The following ZC4H2 variants were observed in gnomAD, a reference collection of about 807,000 sequenced individuals.
The protein encoded by ZC4H2 is zinc finger C4H2 domain-containing protein.
For missense variants in ZC4H2, 137 were observed against 173.9 expected (o/e 0.79, Z 1.19); for synonymous variants, 84 against 66.3 (o/e 1.27, Z -1.30).
chrX:64,941,668 T>C (rs1281336123), intron 1 of ZC4H2, among the ~76,000 whole-genome samples: 1 of 112,564 alleles, frequency 8.9e-6, no homozygotes, highest in Non-Finnish European at 1.9e-5. Flanking sequence ...TTTTTGTCAT[T>C]GTTTCTGTTT....
intron 1 of ZC4H2, 112 bp downstream of exon 1, chrX:64,976,213 G>A: frequency 2.3e-6 from 2 of 886,935 alleles, no homozygotes; most frequent in Non-Finnish European, 3.3e-6. Context: ...AGTCTGTGGT[G>A]AATGGGCCCC....
chrX:64,918,897 T>C (rs1190315991), intron 4 of ZC4H2, 145 bp downstream of exon 4: 3 of 714,083 alleles, frequency 4.2e-6, no homozygotes, highest in Non-Finnish European at 5.9e-6. Flanking sequence ...AGCACACCCA[T>C]GTCACCCCTT....
At chrX:64,952,591 C>T (rs1312888188) in intron 1 of ZC4H2, among the ~76,000 whole-genome samples, 1 of 110,956 alleles carries the variant, frequency 9.0e-6, no homozygotes, top group African/African-American at 3.3e-5. Context: ...GAATAAAATA[C>T]CTAGGAATCC....
intron 1 of ZC4H2, among the ~76,000 whole-genome samples, chrX:64,926,934 T>A (rs1010120920): frequency 6.3e-5 from 7 of 111,697 alleles, no homozygotes; most frequent in South Asian, 3.8e-4. Flanking sequence ...ATCCCCTATA[T>A]ACACTGAGGG....
chrX:64,959,610 T>C (rs989756613), intron 1 of ZC4H2, among the ~76,000 whole-genome samples: 2 of 109,094 alleles, frequency 1.8e-5, no homozygotes, highest in African/African-American at 6.7e-5. Context: ...TCTATTTTGA[T>C]GGAGAATCAT....
intron 1 of ZC4H2, among the ~76,000 whole-genome samples, chrX:65,013,198 T>G (rs1330273685): frequency 8.9e-6 from 1 of 112,071 alleles, no homozygotes; most frequent in Non-Finnish European, 1.9e-5. Flanking sequence ...CAAGTCAGTG[T>G]CTAACCTCCA....
rs779577007 is a variant in ZC4H2 at position 64,947,847 on chromosome X, T to C, written c.54-25859A>G. On this transcript the variant is annotated intron_variant, in intron 1 of 4. Coordinates refer to ENST00000374839, the MANE Select transcript of ZC4H2 (RefSeq NM_018684.4). ...TCCAATTTGTGTATGTCACTTCTCTTTTTTTTTTTTTTGTTTATAAATCTT... is the reference window on the plus strand; with the variant it reads ...TCCAATTTGTGTATGTCACTTCTCTCTTTTTTTTTTTTGTTTATAAATCTT... Among the ~76,000 whole-genome samples, 15 of 86,403 alleles carry C rather than the reference T, an allele frequency of 1.7e-4. No homozygotes were observed. The East Asian group carries it at 4.1e-3, about 23-fold the overall frequency. 75.0% of individuals were successfully genotyped at this position (86,403 alleles called of 115,157 possible).
upstream of ZC4H2, among the ~76,000 whole-genome samples, chrX:64,979,785 A>C (rs1932047496): frequency 2.7e-5 from 3 of 110,800 alleles, no homozygotes; most frequent in Admixed American, 2.9e-4. Context: ...ATTTTATTAG[A>C]AGAACTGATT....
chrX:64,946,155 A>G (rs1413832927), intron 1 of ZC4H2, among the ~76,000 whole-genome samples: 1 of 110,347 alleles, frequency 9.1e-6, no homozygotes, highest in Non-Finnish European at 1.9e-5. Flanking sequence ...CCAAAACAAA[A>G]CAAAACAAAA....
chrX:65,012,761 A>G (rs933051909), intron 1 of ZC4H2, among the ~76,000 whole-genome samples: 1 of 111,413 alleles, frequency 9.0e-6, no homozygotes, highest in Non-Finnish European at 1.9e-5. Flanking sequence ...GGGGTTATCA[A>G]TGTTGATAGA....
At chrX:64,965,361 A>C in intron 1 of ZC4H2, 1 of 258,399 alleles carries the variant, frequency 3.9e-6, no homozygotes. Context: ...ATAGGTCAGA[A>C]ATAAACCCAC....
intron 1 of ZC4H2, among the ~76,000 whole-genome samples, chrX:65,001,778 G>A (rs774011847): frequency 1.2e-4 from 13 of 111,783 alleles, no homozygotes; most frequent in African/African-American, 2.6e-4. Flanking sequence ...GCAAAAAAAA[G>A]CAGGGGTTGC....
At chrX:64,972,390 G>A (rs1359637079) in intron 1 of ZC4H2, among the ~76,000 whole-genome samples, 1 of 111,467 alleles carries the variant, frequency 9.0e-6, no homozygotes, top group Non-Finnish European at 1.9e-5. Flanking sequence ...AAGGCTCTTA[G>A]CTTGACTTCA....
intron 1 of ZC4H2, among the ~76,000 whole-genome samples, chrX:64,954,390 T>TTATATATATA (rs200900040): frequency 1.4e-5 from 1 of 72,143 alleles, no homozygotes; most frequent in African/African-American, 1.3e-4. Flanking sequence ...ATATTTATAA[T>TTATATATATA]TATATATATA....
chrX:64,935,459 G>A (rs1040274547), intron 1 of ZC4H2, among the ~76,000 whole-genome samples: 1 of 112,247 alleles, frequency 8.9e-6, no homozygotes, highest in Non-Finnish European at 1.9e-5. Context: ...TCCCAGCACA[G>A]CATTCAAGCT....
chrX:65,000,871 A>C (rs1184355161), intron 1 of ZC4H2, among the ~76,000 whole-genome samples: 1 of 111,948 alleles, frequency 8.9e-6, no homozygotes, highest in Non-Finnish European at 1.9e-5. Flanking sequence ...TAAAGCATGA[A>C]GACAAGATTA....
At chrX:64,937,940 G>A (rs1466189635) in intron 1 of ZC4H2, among the ~76,000 whole-genome samples, 1 of 111,159 alleles carries the variant, frequency 9.0e-6, no homozygotes, top group Admixed American at 9.6e-5. Context: ...GATCAGAACA[G>A]AACTGAAGGA....
chrX:64,996,148 C>T (rs575776635), intron 1 of ZC4H2, among the ~76,000 whole-genome samples: 13 of 111,581 alleles, frequency 1.2e-4, no homozygotes, highest in Admixed American at 4.7e-4. Context: ...GATGAAGGAG[C>T]GGCCCAGCAT....
chrX:64,953,210 T>C (rs1317946592), intron 1 of ZC4H2, among the ~76,000 whole-genome samples: 1 of 111,971 alleles, frequency 8.9e-6, no homozygotes, highest in Non-Finnish European at 1.9e-5. Context: ...CCTAAAACCA[T>C]AAAAACCTTA....
Sources: gnomAD v4.1 joint callset for allele counts (sites outside exome capture counted in the v4.1 genomes callset) on GRCh38, gnomAD v4.1.1 for gene constraint, MANE v1.5 for transcripts, NCBI Gene and HGNC (gene_info 2026-07-23, HGNC 2026-07-21) for gene names.